MXRA7: variants seen among roughly 807,000 people sequenced by gnomAD.
MXRA7 encodes the protein matrix remodeling associated 7, also known as matrix-remodeling-associated protein 7.
Under a neutral mutation model 17.4 loss-of-function variants are expected in MXRA7, and 18 were observed. That is an observed-to-expected ratio of 1.03 (90% confidence interval 0.71 to 1.53). The LOEUF (loss-of-function observed/expected upper bound fraction) is 1.53, where lower values mean the gene tolerates loss of function less well. Among genes scored for constraint, MXRA7 ranks in the 40% most tolerant of loss-of-function variants. MXRA7 has a pLI of 0.00. For missense variants in MXRA7, 141 were observed against 209.3 expected, an observed-to-expected ratio of 0.67 and a Z score of 2.01; for synonymous variants, 70 against 101.7, an observed-to-expected ratio of 0.69 and a Z score of 1.87.
In MXRA7 at chr17:76,683,886, G is replaced by A. The variant is rs764906211; in HGVS notation, c.500+1186C>T. 22 of 1,614,080 alleles carry A rather than the reference G, an allele frequency of 1.4e-5. No homozygotes were observed. In the Admixed American group the frequency reaches 3.5e-4, roughly 26 times the overall value. On this transcript the variant is annotated intron_variant, in intron 3 of 3. Coordinates refer to ENST00000449428, the MANE Select transcript of MXRA7 (RefSeq NM_198530.4). ...AGAATATTTGTGGCTCAGGACCTAA[G>A]GAACTTGCTACAGGGAAGTGAGGTC...
Position 76,710,962 on chromosome 17 carries a change from G to A in MXRA7, c.-16C>T, listed in dbSNP as rs2076716233. The A allele has an allele frequency of 5.1e-6, 5 of 988,016 alleles. No homozygotes were observed. Among genetic ancestry groups the A allele is most frequent in the Non-Finnish European group, 6.0e-6 (5 of 833,806 alleles). The allele number at this position is 988,016 out of a possible 1,614,324, so 61.2% of individuals were successfully genotyped here. On this transcript the variant is annotated 5_prime_UTR_variant, in exon 1 of 4. Coordinates refer to ENST00000449428, the MANE Select transcript of MXRA7 (RefSeq NM_198530.4). ...GCGCCTCCATCGCGCCGCGGCCGCC[G>A]AGTGCGGGCCAGCTGGGACCCCGAG... is the stretch of plus-strand genomic sequence containing the variant.
At chr17:76,677,920 C>T (rs1314092729), downstream of MXRA7, among the ~76,000 whole-genome samples, 2 of 152,156 alleles carry the variant, frequency 1.3e-5, no homozygotes, top group South Asian at 2.1e-4. Flanking sequence ...AACTGGGATG[C>T]GAAATCTCAG....
intron 1 of MXRA7, chr17:76,709,945 C>G (rs951161239): frequency 6.5e-6 from 1 of 152,964 alleles, no homozygotes; most frequent in African/African-American, 2.4e-5. Context: ...ATCTTCACTC[C>G]ATCCAGGCCC....
At chr17:76,692,218 GA>G (rs201375648) in intron 1 of MXRA7, among the ~76,000 whole-genome samples, 6,700 of 147,962 alleles carry the variant, frequency 0.045, 480 homozygotes, top group East Asian at 0.32. Flanking sequence ...GTCACCAAAA[GA>G]AAAAAAAAAT....
chr17:76,708,335 G>C (rs930541900), intron 1 of MXRA7, among the ~76,000 whole-genome samples: 14 of 152,188 alleles, frequency 9.2e-5, no homozygotes, highest in Non-Finnish European at 1.8e-4. Context: ...GTTACACGCT[G>C]CTCCCCAGGG....
intron 2 of MXRA7, 145 bp from the exon 3 acceptor site, chr17:76,685,310 A>T (rs1451747456): frequency 1.6e-6 from 1 of 639,858 alleles, no homozygotes; most frequent in Non-Finnish European, 2.8e-6. Context: ...CAGCGCCTAT[A>T]CCCCCTCTCG....
intron 1 of MXRA7, chr17:76,688,631 A>G: frequency 8.1e-7 from 1 of 1,239,520 alleles, no homozygotes; most frequent in South Asian, 4.0e-5. Flanking sequence ...TCCATCCCCA[A>G]CTCTCTCAGT....
chr17:76,677,714 A>C, downstream of MXRA7: 1 of 1,600,998 alleles, frequency 6.2e-7, no homozygotes, highest in East Asian at 2.2e-5. Flanking sequence ...TGTCGAGAAG[A>C]AAGGACAAAG....
At chr17:76,702,515 AAAAG>A (rs1161090928) in intron 1 of MXRA7, among the ~76,000 whole-genome samples, 1 of 148,170 alleles carries the variant, frequency 6.7e-6, no homozygotes, top group African/African-American at 2.6e-5. Context: ...ATAAATAAAT[AAAAG>A]AAGAAGAAGA....
At chr17:76,678,366 G>A (rs1255981439), downstream of MXRA7, among the ~76,000 whole-genome samples, 1 of 152,220 alleles carries the variant, frequency 6.6e-6, no homozygotes, top group African/African-American at 2.4e-5. Context: ...CGCGGGTTCT[G>A]TGCTGGGAGC....
At chr17:76,686,168 C>T (rs956638748) in intron 2 of MXRA7, among the ~76,000 whole-genome samples, 4 of 152,156 alleles carry the variant, frequency 2.6e-5, no homozygotes, top group African/African-American at 9.7e-5. Context: ...GAAGAAGGTT[C>T]TAGATGCGAA....
chr17:76,677,865 C>T (rs999115090), downstream of MXRA7, among the ~76,000 whole-genome samples: 3 of 152,150 alleles, frequency 2.0e-5, no homozygotes, highest in South Asian at 4.1e-4. Context: ...CTTAGAACAT[C>T]GGAGCTGGTT....
At chr17:76,699,496 C>T (rs2076570011) in intron 1 of MXRA7, among the ~76,000 whole-genome samples, 1 of 152,166 alleles carries the variant, frequency 6.6e-6, no homozygotes, top group Admixed American at 6.6e-5. Flanking sequence ...AATGTGTTTC[C>T]TGCTCAAAAC....
chr17:76,673,643 A>G (rs2076219110), exon 4 of MXRA7: 1 of 152,192 alleles, frequency 6.6e-6, no homozygotes, highest in Non-Finnish European at 1.5e-5. Context: ...ATTAGAATAA[A>G]ACAATCTCAG....
At chr17:76,687,880 C>A (rs577840846) in intron 2 of MXRA7, among the ~76,000 whole-genome samples, 2 of 152,196 alleles carry the variant, frequency 1.3e-5, no homozygotes, top group Non-Finnish European at 2.9e-5. Context: ...CCAAGAGGGG[C>A]CCCGGGATGG....
intron 2 of MXRA7, 97 bp downstream of exon 2, chr17:76,688,016 C>A: frequency 9.8e-7 from 1 of 1,020,730 alleles, no homozygotes; most frequent in Non-Finnish European, 1.5e-6. Context: ...CCATCCCTCC[C>A]CTCGGCACTC....
intron 2 of MXRA7, among the ~76,000 whole-genome samples, chr17:76,686,790 G>A (rs899639250): frequency 3.9e-5 from 6 of 152,172 alleles, no homozygotes; most frequent in Non-Finnish European, 8.8e-5. Flanking sequence ...GCCTCGTACT[G>A]CAGAGGGGCT....
chr17:76,689,555 C>T (rs1598347655), intron 1 of MXRA7: 1 of 152,238 alleles, frequency 6.6e-6, no homozygotes, highest in African/African-American at 2.4e-5. Flanking sequence ...AGCAAAGTAT[C>T]TCTATGGCTG....
intron 1 of MXRA7, among the ~76,000 whole-genome samples, chr17:76,692,370 C>T (rs2076486547): frequency 6.6e-6 from 1 of 151,978 alleles, no homozygotes; most frequent in Non-Finnish European, 1.5e-5. Flanking sequence ...TCTCCTGCCT[C>T]AGCCTCCCGA....
Sources: allele counts gnomAD v4.1 joint callset (sites outside exome capture counted in the v4.1 genomes callset), GRCh38; gene constraint gnomAD v4.1.1; transcripts MANE v1.5; gene names NCBI Gene and HGNC (gene_info 2026-07-23, HGNC 2026-07-21).